The following RSU1 variants were observed in gnomAD, a reference collection of about 807,000 sequenced individuals.
RSU1 encodes Ras suppressor protein 1, also known as rsu-1.
Under a neutral mutation model 31.1 loss-of-function variants are expected in RSU1, and 26 were observed. The observed-to-expected ratio is 0.84, with a 90% confidence interval of 0.61 to 1.16. RSU1 has a LOEUF of 1.16. Among genes scored for constraint, RSU1 ranks in the 50% most tolerant of loss-of-function variants. The pLI is 0.00. For missense variants in RSU1, 320 were observed against 339.1 expected (o/e 0.94, Z 0.44); for synonymous variants, 164 against 136.3 (o/e 1.20, Z -1.41).
In RSU1 at chr10:16,790,567, G is replaced by A. The variant is rs371459062; in HGVS notation, c.110-8483C>T. Among the ~76,000 whole-genome samples the A allele has an allele frequency of 3.9e-5, 6 of 152,294 alleles. No homozygotes were observed. In the East Asian group the frequency reaches 1.2e-3, roughly 29 times the overall value. On this transcript the variant is annotated intron_variant, in intron 2 of 8. Transcript: ENST00000345264. ...CAGGGGACCTACACAACTCACGGGT[G>A]ATGGAGTCAATCCCAGGCTTATCTG...
chr10:16,792,688 C>T (rs188746984), intron 2 of RSU1, among the ~76,000 whole-genome samples: 6 of 152,352 alleles, frequency 3.9e-5, no homozygotes, highest in African/African-American at 1.4e-4. Context: ...ACAGAACCCT[C>T]GGCAGTTGTG....
intron 8 of RSU1, among the ~76,000 whole-genome samples, chr10:16,629,095 G>T (rs1244488361): frequency 6.6e-6 from 1 of 152,086 alleles, no homozygotes; most frequent in African/African-American, 2.4e-5. Flanking sequence ...TATCAGCTTG[G>T]AGTCTGCCTG....
In RSU1 at chr10:16,782,092, G is replaced by T. The variant is rs749449820; in HGVS notation, c.110-8C>A. On this transcript the variant is annotated splice_polypyrimidine_tract_variant and splice_region_variant and intron_variant, in intron 2 of 8. Transcript: ENST00000345264. ...TGATATGGGATAAGGTAACTAAAAAGAAAAGAAAAAAAAAAAGGTCAGTCA... is the reference window on the plus strand; with the variant it reads ...TGATATGGGATAAGGTAACTAAAAATAAAAGAAAAAAAAAAAGGTCAGTCA... The T allele has an allele frequency of 6.5e-7, 1 of 1,548,634 alleles. No homozygotes were observed. Among genetic ancestry groups the T allele is most frequent in the Non-Finnish European group, 8.7e-7 (1 of 1,152,048 alleles).
chr10:16,627,713 C>T (rs542551408), intron 8 of RSU1, among the ~76,000 whole-genome samples: 26 of 148,734 alleles, frequency 1.7e-4, no homozygotes, highest in African/African-American at 2.5e-4. Flanking sequence ...GCCAAGATTG[C>T]GCCATTGCCC....
chr10:16,731,528 C>T (rs1403901354), intron 7 of RSU1, among the ~76,000 whole-genome samples: 1 of 152,016 alleles, frequency 6.6e-6, no homozygotes, highest in African/African-American at 2.4e-5. Context: ...AGGGAGCTTA[C>T]TGCAACAAAA....
At chr10:16,706,766 T>C (rs1835912097) in intron 7 of RSU1, among the ~76,000 whole-genome samples, 1 of 152,162 alleles carries the variant, frequency 6.6e-6, no homozygotes, top group Non-Finnish European at 1.5e-5. Flanking sequence ...TTTCCTAATA[T>C]ACAATATTTC....
chr10:16,651,866 ATG>A (rs1211530806), intron 8 of RSU1, among the ~76,000 whole-genome samples: 1 of 152,224 alleles, frequency 6.6e-6, no homozygotes, highest in East Asian at 1.9e-4. Context: ...ATGTAACACT[ATG>A]TGTTTGCCAA....
chr10:16,744,728 A>G (rs1458599960), intron 7 of RSU1, among the ~76,000 whole-genome samples: 1 of 151,942 alleles, frequency 6.6e-6, no homozygotes, highest in African/African-American at 2.4e-5. Flanking sequence ...TCAATATAAA[A>G]CTCCCAAGAA....
At chr10:16,632,174 G>A (rs1834262903) in intron 8 of RSU1, among the ~76,000 whole-genome samples, 1 of 151,978 alleles carries the variant, frequency 6.6e-6, no homozygotes. Context: ...GACCTCACAT[G>A]TTTTTTCAAA....
At chr10:16,672,814 ATTGT>A (rs1404453873) in intron 8 of RSU1, among the ~76,000 whole-genome samples, 2 of 152,194 alleles carry the variant, frequency 1.3e-5, no homozygotes, top group African/African-American at 2.4e-5. Flanking sequence ...TCTTAAGTTG[ATTGT>A]TTTACAGATG....
intron 3 of RSU1, among the ~76,000 whole-genome samples, chr10:16,772,818 T>C (rs185458442): frequency 1.3e-5 from 2 of 152,222 alleles, no homozygotes; most frequent in East Asian, 1.9e-4. Context: ...CATTACAAGG[T>C]AGATAGTCAG....
At chr10:16,639,352 C>T (rs1177572728) in intron 8 of RSU1, among the ~76,000 whole-genome samples, 1 of 152,174 alleles carries the variant, frequency 6.6e-6, no homozygotes, top group Non-Finnish European at 1.5e-5. Flanking sequence ...CATTTTCAAA[C>T]GATGGCAAAA....
chr10:16,719,537 C>G (rs762271674), intron 7 of RSU1, among the ~76,000 whole-genome samples: 2 of 152,326 alleles, frequency 1.3e-5, no homozygotes, highest in Non-Finnish European at 2.9e-5. Context: ...CTGGATGTCT[C>G]CACTAAAAGT....
intron 2 of RSU1, among the ~76,000 whole-genome samples, chr10:16,813,116 A>T (rs1021694529): frequency 9.2e-5 from 14 of 152,138 alleles, no homozygotes; most frequent in African/African-American, 3.4e-4. Context: ...GGACTTGCAC[A>T]TCACCCTCAG....
At chr10:16,720,125 G>A (rs1052464463) in intron 7 of RSU1, among the ~76,000 whole-genome samples, 3 of 152,068 alleles carry the variant, frequency 2.0e-5, no homozygotes, top group Non-Finnish European at 2.9e-5. Flanking sequence ...TTTCCTTCCC[G>A]CAACTCTTTC....
At chr10:16,815,276 T>C (rs1320629576) in intron 2 of RSU1, among the ~76,000 whole-genome samples, 1 of 152,230 alleles carries the variant, frequency 6.6e-6, no homozygotes, top group Non-Finnish European at 1.5e-5. Flanking sequence ...TAATGGCACG[T>C]ATTTTCATAA....
At position 16,714,840 on chromosome 10, in the gene RSU1, G is replaced by A. The variant is rs534391274; in HGVS notation, c.599-19685C>T. Among the ~76,000 whole-genome samples the A allele has an allele frequency of 1.6e-4, 24 of 152,240 alleles. No individual in the cohort carries two copies. The South Asian group carries it at 2.7e-3, about 17-fold the overall frequency. ...ACAGAGTTGAAGCTGCTTAGGTTGC[G>A]GGTCCTCAATGTGGACACTGAGGCA... is the stretch of plus-strand genomic sequence containing the variant. On this transcript the variant is annotated intron_variant, in intron 7 of 8. Coordinates refer to ENST00000345264, the MANE Select transcript of RSU1 (RefSeq NM_012425.4).
At chr10:16,633,620 C>T (rs550507208) in intron 8 of RSU1, among the ~76,000 whole-genome samples, 122 of 152,178 alleles carry the variant, frequency 8.0e-4, no homozygotes, top group Non-Finnish European at 5.9e-5. Context: ...TGGTGAGTCC[C>T]AGGTCACTGG....
At chr10:16,706,443 G>A (rs1162432877) in intron 7 of RSU1, among the ~76,000 whole-genome samples, 3 of 152,114 alleles carry the variant, frequency 2.0e-5, no homozygotes, top group Non-Finnish European at 4.4e-5. Context: ...TTTCAACTGG[G>A]TTGTGTTTTT....
Sources: allele counts gnomAD v4.1 joint callset (sites outside exome capture counted in the v4.1 genomes callset), GRCh38; gene constraint gnomAD v4.1.1; transcripts MANE v1.5; gene names NCBI Gene and HGNC (gene_info 2026-07-23, HGNC 2026-07-21).